Variants in KCND3 observed in about 807,000 individuals in gnomAD.
KCND3 encodes potassium voltage-gated channel subfamily D member 3.
A neutral mutation model predicts 51.1 loss-of-function variants in KCND3; 9 were observed. The observed-to-expected ratio is 0.18, with a 90% CI of 0.11 to 0.31. The LOEUF (loss-of-function observed/expected upper bound fraction) is 0.31, where lower values mean the gene tolerates loss of function less well. KCND3 is among the 10% of genes least tolerant of loss of function. KCND3 has a pLI of 1.00. For missense variants in KCND3, 526 were observed against 903.8 expected (o/e 0.58, Z 5.36); for synonymous variants, 349 against 368.0 (o/e 0.95, Z 0.59).
intron 2 of KCND3, among the ~76,000 whole-genome samples, chr1:111,919,506 G>A (rs146874797): frequency 5.9e-5 from 9 of 152,234 alleles, no homozygotes; most frequent in African/African-American, 2.2e-4. Flanking sequence ...GAAGGCCAGA[G>A]GAGATAAAGC....
At chr1:111,927,727 A>G (rs1332415492) in intron 2 of KCND3, among the ~76,000 whole-genome samples, 3 of 152,182 alleles carry the variant, frequency 2.0e-5, no homozygotes, top group African/African-American at 7.2e-5. Flanking sequence ...GGCACCAGAG[A>G]TGCAAAGAAC....
At chr1:111,960,551 C>T (rs1206109365) in intron 2 of KCND3, among the ~76,000 whole-genome samples, 1 of 152,214 alleles carries the variant, frequency 6.6e-6, no homozygotes, top group Non-Finnish European at 1.5e-5. Context: ...AGGACCTCTC[C>T]AGCTCCCTCC....
chr1:111,798,414 T>A (rs1022213381), intron 2 of KCND3, among the ~76,000 whole-genome samples: 1 of 152,140 alleles, frequency 6.6e-6, no homozygotes, highest in Non-Finnish European at 1.5e-5. Context: ...TCTTTCCACC[T>A]TGGTTGGAGC....
At chr1:111,912,447 A>G (rs1009511018) in intron 2 of KCND3, among the ~76,000 whole-genome samples, 1 of 152,216 alleles carries the variant, frequency 6.6e-6, no homozygotes, top group Non-Finnish European at 1.5e-5. Context: ...ATAATAAGTG[A>G]CCATGTTACT....
intron 2 of KCND3, chr1:111,910,666 G>C (rs1271616836): frequency 6.6e-6 from 1 of 152,288 alleles, no homozygotes; most frequent in African/African-American, 2.4e-5. Context: ...ACAGACCTCA[G>C]CTAACCAGGA....
At chr1:111,961,913 G>T (rs920088083) in intron 2 of KCND3, among the ~76,000 whole-genome samples, 2 of 152,206 alleles carry the variant, frequency 1.3e-5, no homozygotes, top group Non-Finnish European at 2.9e-5. Flanking sequence ...GGCGGCTACA[G>T]TCCCACTTCT....
intron 2 of KCND3, among the ~76,000 whole-genome samples, chr1:111,866,462 G>T (rs994241372): frequency 6.6e-6 from 1 of 151,642 alleles, no homozygotes; most frequent in Non-Finnish European, 1.5e-5. Flanking sequence ...ACAGAGTTTT[G>T]CCATGTTGCC....
chr1:111,813,033 G>C (rs1665927547), intron 2 of KCND3, among the ~76,000 whole-genome samples: 1 of 152,220 alleles, frequency 6.6e-6, no homozygotes, highest in Non-Finnish European at 1.5e-5. Context: ...TCCCACGAGA[G>C]TGAGGTAACC....
At chr1:111,889,378 G>A (rs1338112866) in intron 2 of KCND3, among the ~76,000 whole-genome samples, 2 of 152,304 alleles carry the variant, frequency 1.3e-5, no homozygotes, top group Admixed American at 1.3e-4. Flanking sequence ...CACTCAATAG[G>A]CATTTATGGA....
intron 2 of KCND3, among the ~76,000 whole-genome samples, chr1:111,897,489 A>T (rs1037681983): frequency 1.3e-5 from 2 of 152,174 alleles, no homozygotes; most frequent in African/African-American, 4.8e-5. Context: ...CACAGGCCTC[A>T]TCTGTGCGTG....
At chr1:111,902,180 G>A (rs1244385557) in intron 2 of KCND3, among the ~76,000 whole-genome samples, 1 of 152,184 alleles carries the variant, frequency 6.6e-6, no homozygotes, top group Non-Finnish European at 1.5e-5. Flanking sequence ...GACCAGTGAG[G>A]GGGCAGCCAA....
chr1:111,859,400 T>C (rs146723683), intron 2 of KCND3, among the ~76,000 whole-genome samples: 1 of 152,128 alleles, frequency 6.6e-6, no homozygotes, highest in Non-Finnish European at 1.5e-5. Flanking sequence ...AGAGGTTGGA[T>C]GGGATGACTT....
chr1:111,886,296 G>A (rs1669569695), intron 2 of KCND3, among the ~76,000 whole-genome samples: 1 of 152,194 alleles, frequency 6.6e-6, no homozygotes, highest in Admixed American at 6.5e-5. Flanking sequence ...CTCTGGGCAG[G>A]TCAGACCAAA....
At chr1:111,790,705 G>A (rs1295914956) in intron 2 of KCND3, among the ~76,000 whole-genome samples, 1 of 152,152 alleles carries the variant, frequency 6.6e-6, no homozygotes, top group Non-Finnish European at 1.5e-5. Context: ...AAAGAAATGT[G>A]TACCCATTAG....
chr1:111,835,285 G>A (rs1262620259), intron 2 of KCND3, among the ~76,000 whole-genome samples: 1 of 152,144 alleles, frequency 6.6e-6, no homozygotes, highest in Non-Finnish European at 1.5e-5. Context: ...ATTTTTAGTT[G>A]TTGATTTTAC....
At chr1:111,827,789 G>C (rs1462120442) in intron 2 of KCND3, among the ~76,000 whole-genome samples, 1 of 152,128 alleles carries the variant, frequency 6.6e-6, no homozygotes, top group Non-Finnish European at 1.5e-5. Context: ...TGATATGATG[G>C]AGCTCTTCTC....
chr1:111,873,287 T>C (rs967141956), intron 2 of KCND3, among the ~76,000 whole-genome samples: 5 of 152,220 alleles, frequency 3.3e-5, no homozygotes, highest in Admixed American at 1.3e-4. Context: ...GAACAGACCC[T>C]GCCCTCAGGA....
intron 2 of KCND3, among the ~76,000 whole-genome samples, chr1:111,969,326 TG>T (rs1674196691): frequency 6.6e-6 from 1 of 152,100 alleles, no homozygotes; most frequent in African/African-American, 2.4e-5. Context: ...GGTAGGACAT[TG>T]GGGGCACATG....
intron 2 of KCND3, among the ~76,000 whole-genome samples, chr1:111,848,649 G>C (rs929311351): frequency 1.3e-5 from 2 of 152,220 alleles, no homozygotes; most frequent in African/African-American, 4.8e-5. Context: ...AGGCGGCATG[G>C]TGCGTGGCCC....
Sources: gnomAD v4.1 joint callset for allele counts (sites outside exome capture counted in the v4.1 genomes callset) on GRCh38, gnomAD v4.1.1 for gene constraint, MANE v1.5 for transcripts, NCBI Gene and HGNC (gene_info 2026-07-23, HGNC 2026-07-21) for gene names.